The following SERF2 variants were observed in gnomAD, a reference collection of about 807,000 sequenced individuals.
The protein encoded by SERF2 is gastric cancer-related protein VRG107.
In SERF2, 4 loss-of-function variants were observed where a neutral mutation model predicts 10.7. That is an observed-to-expected ratio of 0.37 (90% CI 0.18 to 0.86). The LOEUF (loss-of-function observed/expected upper bound fraction) is 0.86, where lower values mean the gene tolerates loss of function less well. Among genes scored for constraint, SERF2 ranks in the 40% least tolerant of loss-of-function variants. The pLI, the probability that SERF2 is intolerant of heterozygous loss-of-function variation, is 0.43. For synonymous variants in SERF2, 26 were observed against 26.0 expected (o/e 1.00, Z 0.01); for missense variants, 47 against 79.1 (o/e 0.59, Z 1.54).
intron 2 of SERF2, among the ~76,000 whole-genome samples, chr15:43,787,124 CAGG>C (rs2087014343): frequency 3.9e-5 from 6 of 151,920 alleles, no homozygotes; most frequent in African/African-American, 1.5e-4. Context: ...CTCAGCCTCC[CAGG>C]TAGCTGGGAC....
At position 43,781,938 on chromosome 15, in the gene SERF2, G is replaced by C. The variant is rs113167765; in HGVS notation, c.-526-3472G>C. On this transcript the variant is annotated intron_variant, in intron 1 of 4. Coordinates refer to the SERF2 transcript ENST00000381359. ...ACAGTTTGCTTTGTCACCCAGGCTGGACTGCAGTGGTGCGATCTCAGCTCA... is the reference window on the plus strand; with the variant it reads ...ACAGTTTGCTTTGTCACCCAGGCTGCACTGCAGTGGTGCGATCTCAGCTCA... Among the ~76,000 whole-genome samples the C allele has an allele frequency of 6.5e-3, 983 of 150,766 alleles. 9 individuals carry two copies. Among genetic ancestry groups the C allele is most frequent in the African/African-American group, 0.023 (931 of 41,088 alleles).
intron 1 of SERF2, among the ~76,000 whole-genome samples, chr15:43,781,533 AAAAC>A (rs568199824): frequency 1.5e-3 from 228 of 152,008 alleles, no homozygotes; most frequent in African/African-American, 4.7e-3. Context: ...AAAAACAAAC[AAAAC>A]AAACAAACAA....
At chr15:43,779,227 T>G (rs1278585546) in intron 1 of SERF2, among the ~76,000 whole-genome samples, 3 of 152,028 alleles carry the variant, frequency 2.0e-5, no homozygotes, top group Admixed American at 1.3e-4. Flanking sequence ...GTCTGAAAAT[T>G]TTTTTCTGAT....
In SERF2 at chr15:43,785,937, C is replaced by G. The variant is rs146108765; in HGVS notation, c.-402+403C>G. ...GCCAGGCTGGTCTTGTACTCCTGAC[C>G]TCAAGTGATCTGCCCGTCTCGGCCT... On this transcript the variant is annotated intron_variant, in intron 2 of 4. Transcript: ENST00000381359. 3.0e-3 allele frequency among the ~76,000 whole-genome samples: 458 copies of G among 151,874 alleles called. 4 individuals carry two copies. The highest frequency in any genetic ancestry group is 0.01 in the African/African-American group (433 of 41,450).
At chr15:43,791,992 CCCCAAACTGTCCCCGCATG>C, upstream of SERF2, 1 of 350,444 alleles carries the variant, frequency 2.9e-6, no homozygotes, top group African/African-American at 2.1e-5. Flanking sequence ...TTTGTCAGTA[CCCCAAACTGTCCCCGCATG>C]AGGTCACTCT....
At chr15:43,779,045 T>C (rs2141665723) in intron 1 of SERF2, among the ~76,000 whole-genome samples, 1 of 152,326 alleles carries the variant, frequency 6.6e-6, no homozygotes, top group Admixed American at 6.5e-5. Flanking sequence ...TCCAAAATTT[T>C]GATGGTGTAG....
rs1046995381 is a variant in SERF2, at chr15:43,794,577, C to T, written c.*804C>T. 3.4e-4 allele frequency: 57 copies of T among 170,020 alleles called. No individual in the cohort carries two copies. Among genetic ancestry groups the T allele is most frequent in the Non-Finnish European group, 6.8e-4 (53 of 77,880 alleles). The allele number at this position is 170,020 out of a possible 1,614,324, so 10.5% of individuals were successfully genotyped here. On this transcript the variant is annotated 3_prime_UTR_variant, in exon 3 of 3. Transcript: ENST00000249786. ...CCTTTCTTCTATGCCCTGGTTTGTT[C>T]TGTGGTTCTGGGCTTCTTATATCCG...
intron 1 of SERF2, 67 bp from the exon 2 acceptor site, chr15:43,792,908 G>T (rs1254740610): frequency 8.6e-7 from 1 of 1,169,226 alleles, no homozygotes; most frequent in Non-Finnish European, 1.2e-6. Flanking sequence ...GCCGCGCTGG[G>T]GTAGAAGGGT....
At chr15:43,786,987 C>T (rs1013689603) in intron 2 of SERF2, among the ~76,000 whole-genome samples, 8 of 141,944 alleles carry the variant, frequency 5.6e-5, no homozygotes, top group African/African-American at 2.0e-4. Context: ...TCTGCTTAGG[C>T]CTGGGTTCGT....
upstream of SERF2, chr15:43,792,049 A>T: frequency 2.0e-6 from 1 of 492,036 alleles, no homozygotes; most frequent in Non-Finnish European, 3.7e-6. Context: ...AGCCCGCGGG[A>T]GCGCCACATC....
intron 2 of SERF2, among the ~76,000 whole-genome samples, chr15:43,787,284 C>T (rs2087015840): frequency 6.6e-6 from 1 of 152,210 alleles, no homozygotes; most frequent in African/African-American, 2.4e-5. Flanking sequence ...CAGGCGTGAG[C>T]CACCACGCCC....
rs375164328 is a variant in SERF2 at position 43,793,647 on chromosome 15, C to G, written c.117-63C>G. On this transcript the variant is annotated intron_variant, in intron 2 of 2. Coordinates refer to ENST00000249786, the MANE Select transcript of SERF2 (RefSeq NM_001018108.4). The stretch of plus-strand genomic sequence containing the variant: ...CATCTTATCCTTTGTGCCCTTCATC[C>G]CCCTGCATCTTGTCCTTTTTGCCCT... 1 of 1,613,740 alleles carries G rather than the reference C, an allele frequency of 6.2e-7. No individual in the cohort carries two copies. Among genetic ancestry groups the G allele is most frequent in the Non-Finnish European group, 8.5e-7 (1 of 1,179,756 alleles).
At chr15:43,792,303 G>A (rs1281715160), upstream of SERF2, 1 of 1,304,368 alleles carries the variant, frequency 7.7e-7, no homozygotes, top group Non-Finnish European at 1.1e-6. Context: ...TACGTTGCCA[G>A]AAGGGGCGGG....
intron 1 of SERF2, among the ~76,000 whole-genome samples, chr15:43,781,283 G>A (rs913149837): frequency 6.6e-6 from 1 of 152,094 alleles, no homozygotes; most frequent in African/African-American, 2.4e-5. Context: ...GGCCAGCCAC[G>A]GTGGCTCACG....
At chr15:43,780,691 C>T (rs533859822) in intron 1 of SERF2, among the ~76,000 whole-genome samples, 18 of 152,268 alleles carry the variant, frequency 1.2e-4, no homozygotes, top group Non-Finnish European at 2.5e-4. Context: ...CCAAGGCCCT[C>T]AGTGGATGCC....
Position 43,784,791 on chromosome 15 carries a change from C to T in SERF2, c.-526-619C>T, listed in dbSNP as rs548790078. On this transcript the variant is annotated intron_variant, in intron 1 of 4. Coordinates refer to the SERF2 transcript ENST00000381359. ...TTTTTGAGACGGTGTCTCACTCTGT[C>T]GCCCAAGTTGGAGTGTAATGACTGA... Among the ~76,000 whole-genome samples the T allele has an allele frequency of 2.1e-4, 31 of 149,714 alleles. 1 individual carries two copies. The highest frequency in any genetic ancestry group is 6.9e-4 in the African/African-American group (28 of 40,598).
chr15:43,795,644 C>T lies in SERF2; in HGVS notation c.*1871C>T. ...GCTCTTGAGGGTTCTTATGGCACTC[C>T]ACAGAGATCTACCACTTCTTATGGT... On this transcript the variant is annotated 3_prime_UTR_variant, in exon 3 of 3. Coordinates refer to ENST00000249786, the MANE Select transcript of SERF2 (RefSeq NM_001018108.4). 2 of 1,611,894 alleles carry T rather than the reference C, an allele frequency of 1.2e-6. No individual in the cohort carries two copies. The highest frequency in any genetic ancestry group is 1.7e-6 in the Non-Finnish European group (2 of 1,178,328).
intron 1 of SERF2, among the ~76,000 whole-genome samples, chr15:43,780,268 T>A (rs532003172): frequency 6.6e-6 from 1 of 152,080 alleles, no homozygotes; most frequent in East Asian, 1.9e-4. Flanking sequence ...GCCTCCCGAG[T>A]AGCTGAGACT....
upstream of SERF2, among the ~76,000 whole-genome samples, chr15:43,790,366 TAGAGAG>T (rs995772191): frequency 6.6e-6 from 1 of 151,444 alleles, no homozygotes; most frequent in African/African-American, 2.4e-5. Context: ...ATATGGATAT[TAGAGAG>T]AGAGAGGCAG....
Sources: gnomAD v4.1 joint callset for allele counts (sites outside exome capture counted in the v4.1 genomes callset) on GRCh38, gnomAD v4.1.1 for gene constraint, MANE v1.5 for transcripts, NCBI Gene and HGNC (gene_info 2026-07-23, HGNC 2026-07-21) for gene names.